MYOZ2: variants seen among roughly 807,000 people sequenced by gnomAD.
MYOZ2 encodes myozenin-2.
Under a neutral mutation model 25.4 loss-of-function variants are expected in MYOZ2, and 19 were observed. The observed-to-expected ratio is 0.75, with a 90% confidence interval of 0.52 to 1.10. The LOEUF is 1.10. Ranked by LOEUF, MYOZ2 falls within the 50% of genes least tolerant of loss-of-function variation. The pLI, the probability that MYOZ2 is intolerant of heterozygous loss-of-function variation, is 0.00. For synonymous variants in MYOZ2, 92 were observed against 106.9 expected, an observed-to-expected ratio of 0.86 and a Z score of 0.86; for missense variants, 270 against 317.9, an observed-to-expected ratio of 0.85 and a Z score of 1.15.
At chr4:119,175,261 G>A (rs1322992332) in intron 5 of MYOZ2, among the ~76,000 whole-genome samples, 1 of 152,080 alleles carries the variant, frequency 6.6e-6, no homozygotes, top group East Asian at 1.9e-4. Context: ...TGGATAAAAA[G>A]GGGAAAAGCA....
chr4:119,180,650 T>C (rs899991301), intron 5 of MYOZ2, among the ~76,000 whole-genome samples: 7 of 152,136 alleles, frequency 4.6e-5, no homozygotes, highest in Non-Finnish European at 1.0e-4. Flanking sequence ...GCTTCCTGGG[T>C]TCAAGCGATT....
At position 119,139,348 on chromosome 4, in the gene MYOZ2, A is replaced by G. The variant is rs577671765; in HGVS notation, c.76+2747A>G. Among the ~76,000 whole-genome samples, 6 of 152,334 alleles carry G rather than the reference A, an allele frequency of 3.9e-5. No individual in the cohort carries two copies. In the South Asian group the frequency reaches 1.2e-3, roughly 32 times the overall value. On this transcript the variant is annotated intron_variant, in intron 2 of 5. Transcript: ENST00000307128. ...TAAAAGTATCTCAGCCACAGTTGTT[A>G]CCATCTAACAAGTGCTATTGTAAAA... is the stretch of plus-strand genomic sequence containing the variant.
At chr4:119,151,414 G>T (rs1181328666) in intron 3 of MYOZ2, among the ~76,000 whole-genome samples, 1 of 152,112 alleles carries the variant, frequency 6.6e-6, no homozygotes, top group African/African-American at 2.4e-5. Flanking sequence ...CACAGGCGAG[G>T]ATAAGCATTT....
intron 2 of MYOZ2, among the ~76,000 whole-genome samples, chr4:119,141,184 T>A (rs1443690129): frequency 6.6e-6 from 1 of 152,098 alleles, no homozygotes; most frequent in East Asian, 1.9e-4. Flanking sequence ...CTAAAGCAAA[T>A]AAGCTTCAGC....
intron 2 of MYOZ2, among the ~76,000 whole-genome samples, chr4:119,143,331 G>A (rs1291960853): frequency 1.3e-5 from 2 of 151,972 alleles, no homozygotes; most frequent in Non-Finnish European, 2.9e-5. Context: ...GAGTAGCTGG[G>A]ATTACAGGTG....
intron 3 of MYOZ2, among the ~76,000 whole-genome samples, chr4:119,156,615 A>G (rs908258363): frequency 3.3e-5 from 5 of 152,326 alleles, no homozygotes; most frequent in Middle Eastern, 6.8e-3. Flanking sequence ...AAATTCTAAT[A>G]GAGATTAAGT....
chr4:119,183,160 A>G (rs549930462), intron 5 of MYOZ2, among the ~76,000 whole-genome samples: 25 of 152,316 alleles, frequency 1.6e-4, no homozygotes, highest in African/African-American at 5.5e-4. Flanking sequence ...ACGAATTACA[A>G]AGATACATCA....
chr4:119,171,642 A>G (rs1741949260), intron 5 of MYOZ2, among the ~76,000 whole-genome samples: 1 of 150,980 alleles, frequency 6.6e-6, no homozygotes, highest in East Asian at 1.9e-4. Context: ...CAAACTACTC[A>G]AAATTATAAG....
At chr4:119,164,878 G>T (rs1157342371) in intron 5 of MYOZ2, among the ~76,000 whole-genome samples, 1 of 151,830 alleles carries the variant, frequency 6.6e-6, no homozygotes, top group Non-Finnish European at 1.5e-5. Context: ...TTCCAGAAGA[G>T]GTACAACCCA....
chr4:119,175,976 G>C lies in MYOZ2; in HGVS notation c.561-9990G>C, dbSNP rs17049989. Among the ~76,000 whole-genome samples the C allele has an allele frequency of 4.5e-3, 688 of 152,196 alleles. 5 individuals are homozygous for C. The highest frequency in any genetic ancestry group is 0.016 in the African/African-American group (659 of 41,532). ...CTTGAGCTCAAAAGTGAAGCAATGT[G>C]TTCTGACCCGCCAGGTAGGCTAAGG... On this transcript the variant is annotated intron_variant, in intron 5 of 5. Coordinates refer to ENST00000307128, the MANE Select transcript of MYOZ2 (RefSeq NM_016599.5).
At chr4:119,181,726 G>A (rs1742187566) in intron 5 of MYOZ2, among the ~76,000 whole-genome samples, 1 of 152,036 alleles carries the variant, frequency 6.6e-6, no homozygotes, top group Non-Finnish European at 1.5e-5. Context: ...GAGTATATAT[G>A]TATTAAACAT....
At chr4:119,151,931 AC>A in intron 3 of MYOZ2, among the ~76,000 whole-genome samples, 1 of 152,282 alleles carries the variant, frequency 6.6e-6, no homozygotes, top group Admixed American at 6.5e-5. Flanking sequence ...TCCCTTCTTT[AC>A]AGCAAACAGA....
At chr4:119,146,529 A>AT (rs1229140948) in intron 2 of MYOZ2, among the ~76,000 whole-genome samples, 2 of 151,774 alleles carry the variant, frequency 1.3e-5, no homozygotes, top group East Asian at 3.9e-4. Context: ...GTGTTTGGAG[A>AT]TTTTCCTGTT....
At position 119,164,484 on chromosome 4, in the gene MYOZ2, C is replaced by A. The variant is rs998518490; in HGVS notation, c.560+90C>A. 2.3e-6 allele frequency: 3 copies of A among 1,327,476 alleles called. No homozygotes were observed. In the African/African-American group the frequency reaches 4.4e-5, roughly 20 times the overall value. The allele number at this position is 1,327,476 out of a possible 1,614,324, so 82.2% of individuals were successfully genotyped here. Reference sequence around the variant, plus strand: ...GATAACTGAATTCCCTGGTAGAAAGCAATTTTTTCTTTTGAGAAAAGAATC... The same window carrying A: ...GATAACTGAATTCCCTGGTAGAAAGAAATTTTTTCTTTTGAGAAAAGAATC... On this transcript the variant is annotated intron_variant, in intron 5 of 5. Transcript: ENST00000307128.
chr4:119,162,050 T>C lies in MYOZ2; in HGVS notation c.377-2161T>C, dbSNP rs555660427. On this transcript the variant is annotated intron_variant, in intron 4 of 5. Transcript: ENST00000307128. ...TATGGTTATAGAATTACGTATAATA[T>C]ACAAAGACAAGACACAGGAAAGAGA... is the stretch of plus-strand genomic sequence containing the variant. Among the ~76,000 whole-genome samples the C allele has an allele frequency of 3.3e-5, 5 of 152,220 alleles. No individual in the cohort carries two copies. The South Asian group carries it at 8.3e-4, about 25-fold the overall frequency.
At chr4:119,137,985 G>A (rs1190161599) in intron 2 of MYOZ2, among the ~76,000 whole-genome samples, 1 of 152,058 alleles carries the variant, frequency 6.6e-6, no homozygotes, top group African/African-American at 2.4e-5. Flanking sequence ...AAAACAGTCA[G>A]TCCATTTAAT....
chr4:119,172,094 CT>C (rs1227410643), intron 5 of MYOZ2, among the ~76,000 whole-genome samples: 1 of 152,130 alleles, frequency 6.6e-6, no homozygotes, highest in African/African-American at 2.4e-5. Flanking sequence ...TTTAGTTCAA[CT>C]TTGAATTTTT....
At chr4:119,142,140 G>A (rs1029942733) in intron 2 of MYOZ2, among the ~76,000 whole-genome samples, 15 of 152,244 alleles carry the variant, frequency 9.9e-5, no homozygotes, top group Non-Finnish European at 1.2e-4. Flanking sequence ...GTTTTGATTT[G>A]TAGAATTTGC....
At chr4:119,152,681 C>T (rs180843473) in intron 3 of MYOZ2, among the ~76,000 whole-genome samples, 12 of 151,922 alleles carry the variant, frequency 7.9e-5, no homozygotes, top group Middle Eastern at 3.4e-3. Context: ...GAAGACTGGG[C>T]GCTGAATAAA....
Sources: allele counts gnomAD v4.1 joint callset (sites outside exome capture counted in the v4.1 genomes callset), GRCh38; gene constraint gnomAD v4.1.1; transcripts MANE v1.5; gene names NCBI Gene and HGNC (gene_info 2026-07-23, HGNC 2026-07-21).